The following LARP4 variants were observed in gnomAD, a reference collection of about 807,000 sequenced individuals.
The protein encoded by LARP4 is La ribonucleoprotein 4, also known as la-related protein 4.
LARP4 carries 29 observed loss-of-function variants against 92.9 expected under a neutral mutation model. The observed-to-expected ratio is 0.31, with a 90% CI of 0.23 to 0.43. LARP4 has a LOEUF of 0.43. Ranked by LOEUF, LARP4 falls within the 20% of genes least tolerant of loss-of-function variation. The pLI, the probability that LARP4 is intolerant of heterozygous loss-of-function variation, is 1.00. For missense variants in LARP4, 732 were observed against 860.0 expected, an observed-to-expected ratio of 0.85 and a Z score of 1.86; for synonymous variants, 279 against 284.1, an observed-to-expected ratio of 0.98 and a Z score of 0.18.
At chr12:50,439,314 T>C (rs560654134) in intron 6 of LARP4, among the ~76,000 whole-genome samples, 3 of 152,326 alleles carry the variant, frequency 2.0e-5, no homozygotes, top group Non-Finnish European at 2.9e-5. Flanking sequence ...AAACAGTAAA[T>C]AAAACAAGGT....
At chr12:50,448,883 T>C (rs1371256487) in intron 8 of LARP4, among the ~76,000 whole-genome samples, 1 of 152,186 alleles carries the variant, frequency 6.6e-6, no homozygotes, top group Non-Finnish European at 1.5e-5. Flanking sequence ...AAATGAACAA[T>C]GTCTTGAACA....
intron 1 of LARP4, among the ~76,000 whole-genome samples, chr12:50,404,132 T>G (rs986027683): frequency 6.6e-5 from 10 of 151,754 alleles, no homozygotes; most frequent in African/African-American, 2.4e-4. Context: ...GAGGCTAAGG[T>G]AGGAGAATCG....
intron 1 of LARP4, among the ~76,000 whole-genome samples, chr12:50,404,722 T>C (rs1944482580): frequency 8.0e-6 from 1 of 124,900 alleles, no homozygotes. Context: ...GAGTTTCCAC[T>C]CTTGTTGCCC....
intron 1 of LARP4, among the ~76,000 whole-genome samples, chr12:50,427,270 T>C (rs1280766734): frequency 6.6e-6 from 1 of 152,196 alleles, no homozygotes; most frequent in Non-Finnish European, 1.5e-5. Flanking sequence ...AAAAATTTGC[T>C]GTAGATGAAA....
intron 10 of LARP4, among the ~76,000 whole-genome samples, chr12:50,455,652 C>A (rs1954089818): frequency 6.6e-6 from 1 of 151,990 alleles, no homozygotes; most frequent in Admixed American, 6.6e-5. Context: ...AGAAATGAGC[C>A]CCAACAGAAT....
intron 1 of LARP4, among the ~76,000 whole-genome samples, chr12:50,426,684 G>GGTGTGTGTGTGTGTGTGTGTGTGT (rs762987529): frequency 7.0e-5 from 6 of 86,170 alleles, no homozygotes; most frequent in East Asian, 8.4e-4. Context: ...TTATGTTTGG[G>GGTGTGTGTGTGTGTGTGTGTGTGT]GTGTGTGTGT....
chr12:50,462,312 T>C (rs1955512960), intron 11 of LARP4, among the ~76,000 whole-genome samples: 1 of 152,096 alleles, frequency 6.6e-6, no homozygotes, highest in Non-Finnish European at 1.5e-5. Flanking sequence ...AAACCCTGTC[T>C]GTACTACAAA....
intron 4 of LARP4, among the ~76,000 whole-genome samples, chr12:50,432,263 A>AGATGTAGGT (rs1197784713): frequency 2.0e-5 from 3 of 152,196 alleles, no homozygotes; most frequent in Non-Finnish European, 4.4e-5. Flanking sequence ...GAACCATAGA[A>AGATGTAGGT]GATGTAGGTG....
At chr12:50,412,525 C>G (rs896161425) in intron 1 of LARP4, 2 of 542,502 alleles carry the variant, frequency 3.7e-6, no homozygotes, top group Non-Finnish European at 4.7e-6. Flanking sequence ...TTCTTCCTAA[C>G]TCATGGTTCT....
chr12:50,412,506 A>G (rs1482079562), intron 1 of LARP4: 58 of 736,266 alleles, frequency 7.9e-5, no homozygotes, highest in Non-Finnish European at 9.3e-5. Flanking sequence ...TACCATATTT[A>G]TGGTGATTTT....
chr12:50,448,512 A>G lies in LARP4; in HGVS notation c.805-4948A>G, dbSNP rs188343476. Among the ~76,000 whole-genome samples the G allele has an allele frequency of 5.2e-4, 79 of 152,276 alleles. No homozygotes were observed. The East Asian group carries it at 0.014, about 27-fold the overall frequency. On this transcript the variant is annotated intron_variant, in intron 8 of 15. Coordinates refer to ENST00000398473, the MANE Select transcript of LARP4 (RefSeq NM_052879.5). ...CATCCATAAATAAATTAAGATTTGT[A>G]TCTCTATCAAGAGGGATTCTTTCCC...
At chr12:50,458,748 C>T (rs1044686173) in intron 10 of LARP4, among the ~76,000 whole-genome samples, 4 of 152,142 alleles carry the variant, frequency 2.6e-5, no homozygotes, top group African/African-American at 9.7e-5. Flanking sequence ...AAACTACATT[C>T]TTTTTATATT....
rs1957510035 is a variant in LARP4, at chr12:50,476,054, T to C, written c.*190T>C. On this transcript the variant is annotated 3_prime_UTR_variant, in exon 16 of 16. Transcript: ENST00000398473. ...CATCTCTAATGTGGTTTTTAAATGC[T>C]GGAGGATTCCAATCAATATAAATAT... The C allele has an allele frequency of 4.5e-6, 2 of 447,658 alleles. No individual in the cohort carries two copies. The highest frequency in any genetic ancestry group is 4.1e-6 in the Non-Finnish European group (1 of 246,036). 27.7% of individuals were successfully genotyped at this position (447,658 alleles called of 1,614,324 possible). A position where few individuals can be genotyped will look rare whatever the true frequency, so the allele number is the denominator to read the frequency against.
At position 50,429,033 on chromosome 12, in the gene LARP4, A is replaced by G. The variant is rs1169956192; in HGVS notation, c.265A>G (p.Thr89Ala). ...TRNTTGIEESTDGMILGPEDL... is the reference protein window; with the variant it reads ...TRNTTGIEESADGMILGPEDL... The stretch of plus-strand genomic sequence containing the variant: ...AAATACTACAGGCATTGAAGAATCA[A>G]CTGATGGGATGATTTTAGGACCAGA... Residue 89 changes from threonine (T) to alanine (A), a missense_variant, in exon 3 of 16, where the codon ACT (threonine) becomes GCT (alanine). By Grantham distance (58) the Thr-to-Ala change is moderately conservative (BLOSUM62 0). Transcript: ENST00000398473. The G allele has an allele frequency of 1.2e-6, 2 of 1,611,788 alleles. No individual in the cohort carries two copies. Among genetic ancestry groups the G allele is most frequent in the East Asian group, 4.5e-5 (2 of 44,814 alleles).
intron 13 of LARP4, among the ~76,000 whole-genome samples, chr12:50,468,325 C>T (rs1956444465): frequency 6.8e-6 from 1 of 146,476 alleles, no homozygotes; most frequent in South Asian, 2.2e-4. Context: ...GACAGAGTCT[C>T]GCTCGTAGCC....
intron 1 of LARP4, among the ~76,000 whole-genome samples, chr12:50,409,740 G>C (rs938372496): frequency 6.6e-6 from 1 of 151,406 alleles, no homozygotes; most frequent in Non-Finnish European, 1.5e-5. Context: ...ACTCCAGCCT[G>C]GATGACATAG....
At position 50,428,027 on chromosome 12, in the gene LARP4, C is replaced by T. The variant is rs888748471; in HGVS notation, c.166+118C>T. ...TTTTTTTTTTTTGAGACAGAGTCTT[C>T]CTCTGTCACCCAGGCTGGAGTACAG... On this transcript the variant is annotated intron_variant, in intron 2 of 15. Transcript: ENST00000398473. The T allele has an allele frequency of 3.7e-5, 22 of 596,276 alleles. No individual in the cohort carries two copies. The South Asian group carries it at 3.8e-4, about 10-fold the overall frequency. 36.9% of individuals were successfully genotyped at this position (596,276 alleles called of 1,614,324 possible). A position where few individuals can be genotyped will look rare whatever the true frequency, so the allele number is the denominator to read the frequency against.
intron 1 of LARP4, among the ~76,000 whole-genome samples, chr12:50,417,239 G>C (rs1484966399): frequency 6.6e-6 from 1 of 151,790 alleles, no homozygotes; most frequent in African/African-American, 2.4e-5. Context: ...GACACTCCAT[G>C]GTGATGGGCG....
At chr12:50,466,790 T>TGAGA (rs1016059607) in intron 12 of LARP4, among the ~76,000 whole-genome samples, 169 bp from the exon 13 acceptor site, 45 of 152,216 alleles carry the variant, frequency 3.0e-4, no homozygotes, top group Non-Finnish European at 1.3e-4. Context: ...TAAAGACTGA[T>TGAGA]GAGAGCTCAA....
Sources: allele counts gnomAD v4.1 joint callset (sites outside exome capture counted in the v4.1 genomes callset), GRCh38; gene constraint gnomAD v4.1.1; transcripts MANE v1.5; gene names NCBI Gene and HGNC (gene_info 2026-07-23, HGNC 2026-07-21).